Variants in AK4 observed in about 807,000 individuals in gnomAD.
AK4 encodes adenylate kinase 4, mitochondrial.
In AK4, 13 loss-of-function variants were observed where a neutral mutation model predicts 24.6. The ratio of observed to expected loss-of-function variants is 0.53; its 90% confidence interval spans 0.34 to 0.84. AK4 has a LOEUF of 0.84. Ranked by LOEUF, AK4 falls within the 40% of genes least tolerant of loss-of-function variation. AK4 has a pLI of 0.01. For missense variants in AK4, 192 were observed against 288.2 expected (o/e 0.67, Z 2.42); for synonymous variants, 88 against 107.0 (o/e 0.82, Z 1.10).
At chr1:65,157,834 C>T (rs1650029514) in intron 1 of AK4, among the ~76,000 whole-genome samples, 1 of 151,950 alleles carries the variant, frequency 6.6e-6, no homozygotes, top group Admixed American at 6.6e-5. Flanking sequence ...TGCATGCTTA[C>T]AGAAGAGGCA....
rs1652653565 is a variant in AK4, at chr1:65,231,743, A to C, written c.*5566A>C. The stretch of plus-strand genomic sequence containing the variant: ...AAAGGGCTTTTCTAGTTTTATGAGA[A>C]TTTGTACTACTGATTTTTATATATT... On this transcript the variant is annotated 3_prime_UTR_variant, in exon 5 of 5. Coordinates refer to ENST00000327299, the MANE Select transcript of AK4 (RefSeq NM_013410.4). 6.6e-6 allele frequency: 1 copy of C among 152,188 alleles called. No individual in the cohort carries two copies. Among genetic ancestry groups the C allele is most frequent in the South Asian group, 2.1e-4 (1 of 4,832 alleles). The allele number at this position is 152,188 out of a possible 1,614,324, so 9.4% of individuals were successfully genotyped here.
chr1:65,225,194 C>T (rs889540326), intron 4 of AK4, among the ~76,000 whole-genome samples: 1 of 152,106 alleles, frequency 6.6e-6, no homozygotes, highest in East Asian at 1.9e-4. Context: ...TGTTGATACT[C>T]CCACATATAA....
At chr1:65,202,889 T>TTC (rs781312203) in intron 2 of AK4, among the ~76,000 whole-genome samples, 1 of 133,166 alleles carries the variant, frequency 7.5e-6, no homozygotes, top group African/African-American at 2.9e-5. Flanking sequence ...TTTTTTTTTT[T>TTC]AAGATGGGGT....
chr1:65,198,047 T>C (rs760808789), intron 2 of AK4, among the ~76,000 whole-genome samples: 5 of 152,216 alleles, frequency 3.3e-5, no homozygotes, highest in Non-Finnish European at 7.3e-5. Context: ...AACAGCTTTT[T>C]CTTCCTGTGT....
At chr1:65,159,969 C>CAAAAAAAAAAAAAAAAA (rs951802334) in intron 1 of AK4, among the ~76,000 whole-genome samples, 3 of 63,350 alleles carry the variant, frequency 4.7e-5, no homozygotes, top group African/African-American at 1.6e-4. Context: ...ACTATGTCTC[C>CAAAAAAAAAAAAAAAAA]AAAAAAAAAA....
At chr1:65,190,556 C>T (rs978889782) in intron 1 of AK4, among the ~76,000 whole-genome samples, 154 bp from the exon 2 acceptor site, 5 of 152,050 alleles carry the variant, frequency 3.3e-5, no homozygotes, top group Admixed American at 6.6e-5. Context: ...ACCTTATTGA[C>T]GTGAATATTT....
chr1:65,181,301 C>T (rs1650897096), intron 1 of AK4, among the ~76,000 whole-genome samples: 1 of 151,608 alleles, frequency 6.6e-6, no homozygotes, highest in Non-Finnish European at 1.5e-5. Flanking sequence ...TTACCATATA[C>T]TTTTGTATAT....
intron 2 of AK4, among the ~76,000 whole-genome samples, chr1:65,212,733 A>G (rs911669778): frequency 2.0e-5 from 3 of 152,114 alleles, no homozygotes; most frequent in South Asian, 2.1e-4. Flanking sequence ...TACTTTTTAT[A>G]TGCCTGATAC....
chr1:65,192,080 T>G (rs1212178658), intron 2 of AK4, among the ~76,000 whole-genome samples: 1 of 152,232 alleles, frequency 6.6e-6, no homozygotes, highest in African/African-American at 2.4e-5. Flanking sequence ...TTCTCTAGAC[T>G]CTACTTTTAA....
intron 3 of AK4, among the ~76,000 whole-genome samples, chr1:65,221,371 G>T (rs1367695781): frequency 6.6e-6 from 1 of 152,004 alleles, no homozygotes; most frequent in East Asian, 1.9e-4. Flanking sequence ...CCAACTCCTG[G>T]GTGCCATTGT....
intron 2 of AK4, among the ~76,000 whole-genome samples, chr1:65,200,803 G>GT (rs397803566): frequency 0.39 from 56,592 of 146,522 alleles, 11,047 homozygotes; most frequent in East Asian, 0.67. Flanking sequence ...GCTGGGTTTT[G>GT]TTTTTTTTTT....
At chr1:65,158,145 C>T (rs894269876) in intron 1 of AK4, among the ~76,000 whole-genome samples, 94 of 152,202 alleles carry the variant, frequency 6.2e-4, no homozygotes, top group Admixed American at 3.5e-3. Context: ...CTTGTGCTTG[C>T]CTTTAAGATA....
chr1:65,157,439 C>A (rs1650019375), intron 1 of AK4, among the ~76,000 whole-genome samples: 1 of 152,226 alleles, frequency 6.6e-6, no homozygotes, highest in Non-Finnish European at 1.5e-5. Context: ...GAAGGAGCTG[C>A]TGTTTTTTGG....
In AK4 at chr1:65,230,013, C is replaced by T. The variant is rs1279021327; in HGVS notation, c.*3836C>T. 1 of 152,246 alleles carries T rather than the reference C, an allele frequency of 6.6e-6. No individual in the cohort carries two copies. Among genetic ancestry groups the T allele is most frequent in the African/African-American group, 2.4e-5 (1 of 41,466 alleles). The allele number at this position is 152,246 out of a possible 1,614,324, so 9.4% of individuals were successfully genotyped here. ...TAACTCCTGACTTTTGTACCATTGT[C>T]TATTCCATTACACATTAACATGACT... On this transcript the variant is annotated 3_prime_UTR_variant, in exon 5 of 5. Transcript: ENST00000327299.
intron 3 of AK4, among the ~76,000 whole-genome samples, chr1:65,219,962 C>T (rs1461785806): frequency 6.6e-6 from 1 of 152,170 alleles, no homozygotes; most frequent in Non-Finnish European, 1.5e-5. Flanking sequence ...TATAATTTTG[C>T]CTTCTATAGA....
At chr1:65,177,073 C>T (rs1050404989) in intron 1 of AK4, among the ~76,000 whole-genome samples, 2 of 152,126 alleles carry the variant, frequency 1.3e-5, no homozygotes, top group African/African-American at 4.8e-5. Context: ...AGGTGATAAT[C>T]GATTGTGCAG....
intron 1 of AK4, among the ~76,000 whole-genome samples, chr1:65,157,316 T>C (rs936405681): frequency 6.6e-6 from 1 of 152,218 alleles, no homozygotes. Context: ...AGTCATTCGA[T>C]ATACAGAGCA....
intron 4 of AK4, 43 bp from the exon 5 acceptor site, chr1:65,226,020 A>T (rs1329358482): frequency 6.3e-7 from 1 of 1,599,946 alleles, no homozygotes; most frequent in East Asian, 2.2e-5. Context: ...ATACGTGGAA[A>T]AGAAACCTAA....
chr1:65,164,797 A>G (rs1325525733), intron 1 of AK4, among the ~76,000 whole-genome samples: 1 of 152,180 alleles, frequency 6.6e-6, no homozygotes, highest in Non-Finnish European at 1.5e-5. Context: ...TTTTGGTGTC[A>G]TAGCTAAAAC....
Sources: gnomAD v4.1 joint callset for allele counts (sites outside exome capture counted in the v4.1 genomes callset) on GRCh38, gnomAD v4.1.1 for gene constraint, MANE v1.5 for transcripts, NCBI Gene and HGNC (gene_info 2026-07-23, HGNC 2026-07-21) for gene names.